PCBP3: variants seen among roughly 807,000 people sequenced by gnomAD.
PCBP3 encodes poly(rC) binding protein 3, also known as poly(rC)-binding protein 3.
A neutral mutation model predicts 52.7 loss-of-function variants in PCBP3; 25 were observed. The ratio of observed to expected loss-of-function variants is 0.47; its 90% CI spans 0.35 to 0.66. The LOEUF (loss-of-function observed/expected upper bound fraction) is 0.66, where lower values mean the gene tolerates loss of function less well. Among genes scored for constraint, PCBP3 ranks in the 30% least tolerant of loss-of-function variants. The probability of loss-of-function intolerance (pLI) is 0.01; values close to 1 mark genes in which losing one functional copy is unlikely to be tolerated. For missense variants in PCBP3, 391 were observed against 490.3 expected, an observed-to-expected ratio of 0.80 and a Z score of 1.91; for synonymous variants, 162 against 183.0, an observed-to-expected ratio of 0.89 and a Z score of 0.93.
chr21:45,874,442 G>T (rs771537767), intron 5 of PCBP3, among the ~76,000 whole-genome samples: 5 of 151,178 alleles, frequency 3.3e-5, no homozygotes, highest in Non-Finnish European at 7.4e-5. Flanking sequence ...TCTTTTGTTG[G>T]GTCTATCCCA....
At chr21:45,676,913 A>G (rs1201219302) in intron 2 of PCBP3, among the ~76,000 whole-genome samples, 1 of 152,046 alleles carries the variant, frequency 6.6e-6, no homozygotes, top group East Asian at 1.9e-4. Context: ...CTGGGATTAC[A>G]GATGCATGCC....
intron 5 of PCBP3, among the ~76,000 whole-genome samples, chr21:45,887,585 A>G (rs1467041288): frequency 6.6e-6 from 1 of 152,244 alleles, no homozygotes; most frequent in Non-Finnish European, 1.5e-5. Context: ...GGACACTGTC[A>G]CCAGTGGCCT....
intron 4 of PCBP3, among the ~76,000 whole-genome samples, chr21:45,845,704 T>G (rs7278814): frequency 0.028 from 4,039 of 146,032 alleles, 191 homozygotes; most frequent in African/African-American, 0.095. Flanking sequence ...AAGCACCCGT[T>G]TGCACATGTA....
chr21:45,940,008 A>G (rs1239037324), intron 16 of PCBP3, 22 bp from the exon 17 acceptor site: 1 of 1,607,750 alleles, frequency 6.2e-7, no homozygotes, highest in Non-Finnish European at 8.5e-7. Flanking sequence ...TCTCTAAGAA[A>G]TCCCCCCGTC....
intron 5 of PCBP3, among the ~76,000 whole-genome samples, chr21:45,876,561 G>A (rs532622327): frequency 1.3e-5 from 2 of 152,190 alleles, no homozygotes; most frequent in East Asian, 1.9e-4. Flanking sequence ...GATGGCCTCC[G>A]AATGCCGCCT....
At chr21:45,935,072 T>C (rs907476717) in intron 15 of PCBP3, among the ~76,000 whole-genome samples, 181 bp from the exon 16 acceptor site, 2 of 152,152 alleles carry the variant, frequency 1.3e-5, no homozygotes, top group African/African-American at 2.4e-5. Flanking sequence ...ACTAAGGAAA[T>C]TGGGTGGCAG....
At chr21:45,787,755 A>G (rs1224911994) in intron 4 of PCBP3, among the ~76,000 whole-genome samples, 1 of 152,116 alleles carries the variant, frequency 6.6e-6, no homozygotes, top group African/African-American at 2.4e-5. Context: ...GCTCCACTAG[A>G]CAGTAGAGTT....
intron 13 of PCBP3, among the ~76,000 whole-genome samples, chr21:45,920,637 C>A (rs370216411): frequency 1.3e-5 from 2 of 152,070 alleles, no homozygotes; most frequent in East Asian, 3.9e-4. Flanking sequence ...GGGTCATGAG[C>A]GCTCCACCCT....
At chr21:45,916,301 G>A (rs1404581641) in intron 12 of PCBP3, 1 of 152,262 alleles carries the variant, frequency 6.6e-6, no homozygotes, top group Non-Finnish European at 1.5e-5. Context: ...ACGTGCCTCT[G>A]GCAGCACCTT....
chr21:45,804,201 C>T (rs1404372935), intron 4 of PCBP3, among the ~76,000 whole-genome samples: 1 of 152,220 alleles, frequency 6.6e-6, no homozygotes, highest in East Asian at 1.9e-4. Flanking sequence ...TGGTTCCCTC[C>T]TGTGCACCGG....
chr21:45,772,960 T>C (rs1467912663), intron 4 of PCBP3, among the ~76,000 whole-genome samples: 1 of 152,194 alleles, frequency 6.6e-6, no homozygotes. Context: ...GAGTTCCCTT[T>C]ATATTCTGGA....
chr21:45,682,397 C>G (rs1165164378), intron 2 of PCBP3, among the ~76,000 whole-genome samples: 1 of 152,156 alleles, frequency 6.6e-6, no homozygotes, highest in Non-Finnish European at 1.5e-5. Flanking sequence ...CACATCTACT[C>G]CATCTTCCCA....
chr21:45,654,490 G>A (rs1303075917), intron 1 of PCBP3, among the ~76,000 whole-genome samples: 5 of 151,872 alleles, frequency 3.3e-5, no homozygotes, highest in Non-Finnish European at 7.4e-5. Flanking sequence ...ACAGGTGCAC[G>A]CCACCACGCC....
rs538359676 is a variant in PCBP3, at chr21:45,759,740, C to G, written c.-126+4288C>G. ...AAGTAACATTTGGAATAATGGTTAA[C>G]AGTTTTCTAGGGTGTGTGAAAGCCA... On this transcript the variant is annotated intron_variant, in intron 4 of 17. Transcript: ENST00000681687. The G allele has an allele frequency of 8.5e-5, 13 of 152,324 alleles. No individual in the cohort carries two copies. In the East Asian group the frequency reaches 2.5e-3, roughly 29 times the overall value. 9.4% of individuals were successfully genotyped at this position (152,324 alleles called of 1,614,324 possible).
intron 11 of PCBP3, among the ~76,000 whole-genome samples, chr21:45,912,832 C>T (rs973537564): frequency 1.3e-5 from 2 of 151,856 alleles, no homozygotes; most frequent in African/African-American, 2.4e-5. Flanking sequence ...CCAGGCCCAG[C>T]TCAAGTCAGC....
chr21:45,666,631 G>A (rs532259574), intron 1 of PCBP3, among the ~76,000 whole-genome samples: 64 of 151,730 alleles, frequency 4.2e-4, no homozygotes, highest in Non-Finnish European at 8.7e-4. Context: ...TAGAATTCTT[G>A]TTTGACAGTC....
intron 5 of PCBP3, chr21:45,871,137 G>A (rs568379556): frequency 3.7e-4 from 67 of 182,648 alleles, no homozygotes; most frequent in Admixed American, 6.5e-4. Context: ...GTGCAGCCCA[G>A]TGCCCAGGAG....
In PCBP3 at chr21:45,821,459, C is replaced by A. The variant is rs1603443781; in HGVS notation, c.-125-28502C>A. Among the ~76,000 whole-genome samples, 2 of 151,212 alleles carry A rather than the reference C, an allele frequency of 1.3e-5. No homozygotes were observed. Among genetic ancestry groups the A allele is most frequent in the East Asian group, 3.9e-4 (2 of 5,112 alleles). On this transcript the variant is annotated intron_variant, in intron 4 of 17. Coordinates refer to ENST00000681687, the MANE Select transcript of PCBP3 (RefSeq NM_001384156.1). This position sits in a 1 kb window ranked among gnomAD's most constrained non-coding sequence, Gnocchi z 4.4. ...CTGTGGGCCCCGCACCTTCCCCCAA[C>A]TCTTTTCTAGAACACTCTTCCCCCT...
rs904700432 is a variant in PCBP3, at chr21:45,741,228, C to A, written c.-162+5799C>A. ...TCGGGATGAGTGGGTCTGCAGTGGTCGGCCCCATGGCTAGGAGTTTGGAAA... is the reference window on the plus strand; with the variant it reads ...TCGGGATGAGTGGGTCTGCAGTGGTAGGCCCCATGGCTAGGAGTTTGGAAA... On this transcript the variant is annotated intron_variant, in intron 3 of 17. Coordinates refer to ENST00000681687, the MANE Select transcript of PCBP3 (RefSeq NM_001384156.1). The surrounding 1 kb of genome is among the most constrained non-coding windows in gnomAD (Gnocchi z 4.5). Among the ~76,000 whole-genome samples the A allele has an allele frequency of 6.6e-6, 1 of 152,104 alleles. No homozygotes were observed. The highest frequency in any genetic ancestry group is 1.9e-4 in the East Asian group (1 of 5,196).
Sources: allele counts gnomAD v4.1 joint callset (sites outside exome capture counted in the v4.1 genomes callset), GRCh38; gene constraint gnomAD v4.1.1; non-coding constraint Gnocchi (gnomAD v3.1); transcripts MANE v1.5; gene names NCBI Gene and HGNC (gene_info 2026-07-23, HGNC 2026-07-21).